Variants in NBAS observed in about 807,000 individuals in gnomAD.
NBAS encodes the protein NAG/BC035112 fusion.
NBAS carries 219 observed loss-of-function variants against 302.5 expected under a neutral mutation model. The ratio of observed to expected loss-of-function variants is 0.72; its 90% CI spans 0.65 to 0.81. The LOEUF (loss-of-function observed/expected upper bound fraction) is 0.81, where lower values mean the gene tolerates loss of function less well. NBAS is among the 30% of genes least tolerant of loss of function. The probability of loss-of-function intolerance (pLI) is 0.00; values close to 1 mark genes in which losing one functional copy is unlikely to be tolerated. For synonymous variants in NBAS, 1,118 were observed against 1,021.6 expected (o/e 1.09, Z -1.80); for missense variants, 2,932 against 2,841.6 (o/e 1.03, Z -0.72).
At chr2:14,957,644 T>A in the NBAS span, among the ~76,000 whole-genome samples, 1 of 152,144 alleles carries the variant, frequency 6.6e-6, no homozygotes, top group Admixed American at 6.5e-5. Context: ...AAACCTCCTC[T>A]CCAGCCAGGT....
chr2:14,984,185 G>T, the NBAS span, among the ~76,000 whole-genome samples: 1 of 152,096 alleles, frequency 6.6e-6, no homozygotes, highest in Non-Finnish European at 1.5e-5. Flanking sequence ...GATGTACCTG[G>T]TTTTCCTTCA....
chr2:15,368,316 C>T (rs1042016454), intron 31 of NBAS, among the ~76,000 whole-genome samples: 1 of 150,620 alleles, frequency 6.6e-6, no homozygotes, highest in African/African-American at 2.4e-5. Context: ...TCTTCTGCCT[C>T]AGCCTCCCGA....
the NBAS span, among the ~76,000 whole-genome samples, chr2:14,884,820 G>T: frequency 6.6e-6 from 1 of 152,182 alleles, no homozygotes; most frequent in Non-Finnish European, 1.5e-5. Flanking sequence ...TGTAATCGAG[G>T]AAGCTCTCTC....
At chr2:15,283,027 C>T (rs1171950336) in intron 42 of NBAS, among the ~76,000 whole-genome samples, 1 of 152,082 alleles carries the variant, frequency 6.6e-6, no homozygotes, top group Non-Finnish European at 1.5e-5. Flanking sequence ...TGCTTTTCGG[C>T]AGCTTTTGTG....
the NBAS span, among the ~76,000 whole-genome samples, chr2:14,823,902 A>G: frequency 6.6e-6 from 1 of 152,230 alleles, no homozygotes; most frequent in Admixed American, 6.5e-5. Context: ...GGAAGTTTCA[A>G]AATGAGAAAC....
chr2:15,198,575 G>A (rs1665725414), intron 48 of NBAS, among the ~76,000 whole-genome samples: 1 of 152,098 alleles, frequency 6.6e-6, no homozygotes, highest in South Asian at 2.1e-4. Flanking sequence ...AAGTGTGCTG[G>A]GGCCAGAACA....
chr2:14,860,959 C>T, the NBAS span, among the ~76,000 whole-genome samples: 1 of 151,776 alleles, frequency 6.6e-6, no homozygotes, highest in Non-Finnish European at 1.5e-5. Context: ...ACATATACCC[C>T]AAAGCTATGT....
intron 48 of NBAS, among the ~76,000 whole-genome samples, chr2:15,200,986 T>C (rs1222072896): frequency 6.6e-6 from 1 of 152,264 alleles, no homozygotes; most frequent in African/African-American, 2.4e-5. Context: ...AAAAGTACTT[T>C]ATAAATAGAC....
the NBAS span, among the ~76,000 whole-genome samples, chr2:15,142,570 C>T: frequency 6.6e-6 from 1 of 152,196 alleles, no homozygotes. Flanking sequence ...CTGCCAGCTC[C>T]CTGACTGGCA....
At chr2:15,176,376 G>A (rs1174128912) in intron 51 of NBAS, among the ~76,000 whole-genome samples, 1 of 152,088 alleles carries the variant, frequency 6.6e-6, no homozygotes, top group East Asian at 1.9e-4. Context: ...GGCTATAAAG[G>A]ACAGTATGAG....
chr2:15,483,482 G>A, intron 12 of NBAS: 1 of 241,302 alleles, frequency 4.1e-6, no homozygotes, highest in Non-Finnish European at 8.6e-6. Context: ...GAAAAATTAA[G>A]GCCGAAAATG....
chr2:15,034,026 A>AGAAGAAGAAGAAGAAGAAGGAG, the NBAS span, among the ~76,000 whole-genome samples: 2 of 50,084 alleles, frequency 4.0e-5, no homozygotes, highest in Non-Finnish European at 7.2e-5. Context: ...AAGAAGAAGA[A>AGAAGAAGAAGAAGAAGAAGGAG]GAGGAGGAGG....
At chr2:14,803,039 TA>T in the NBAS span, among the ~76,000 whole-genome samples, 169 of 151,756 alleles carry the variant, frequency 1.1e-3, 2 homozygotes, top group Admixed American at 5.1e-3. Context: ...TAAAGTATAA[TA>T]AAAAAAATAA....
At chr2:15,211,634 A>T (rs1666415765) in intron 48 of NBAS, among the ~76,000 whole-genome samples, 1 of 152,174 alleles carries the variant, frequency 6.6e-6, no homozygotes, top group Non-Finnish European at 1.5e-5. Flanking sequence ...TGAAGAGAAG[A>T]TATTGTTGTG....
At chr2:15,130,295 A>AT in the NBAS span, among the ~76,000 whole-genome samples, 15 of 151,968 alleles carry the variant, frequency 9.9e-5, no homozygotes, top group East Asian at 2.9e-3. Flanking sequence ...ATTCATTCGT[A>AT]TTTTTTTTAT....
chr2:15,220,135 C>A (rs1666880890), intron 47 of NBAS, among the ~76,000 whole-genome samples: 1 of 148,228 alleles, frequency 6.7e-6, no homozygotes, highest in Non-Finnish European at 1.5e-5. Context: ...GGGGGCTGAC[C>A]CCCCCACCTC....
chr2:15,273,798 G>A (rs1023210213), intron 44 of NBAS, among the ~76,000 whole-genome samples: 3 of 151,872 alleles, frequency 2.0e-5, no homozygotes, highest in African/African-American at 4.8e-5. Flanking sequence ...CTTATTGGCC[G>A]GGTGCAGTGG....
intron 6 of NBAS, among the ~76,000 whole-genome samples, chr2:15,541,772 G>A (rs953273917): frequency 8.2e-5 from 12 of 145,862 alleles, no homozygotes; most frequent in Admixed American, 5.5e-4. Context: ...TCAGCCCCCC[G>A]CCCAGCCAGT....
chr2:14,963,853 C>A, the NBAS span, among the ~76,000 whole-genome samples: 8,761 of 152,252 alleles, frequency 0.058, 861 homozygotes, highest in African/African-American at 0.2. Flanking sequence ...GTGAGTAGGA[C>A]AATATACTGA....
Sources: allele counts gnomAD v4.1 joint callset (sites outside exome capture counted in the v4.1 genomes callset), GRCh38; gene constraint gnomAD v4.1.1; transcripts MANE v1.5; gene names NCBI Gene and HGNC (gene_info 2026-07-23, HGNC 2026-07-21).